Variants in RPGRIP1 observed in about 807,000 individuals in gnomAD.
RPGRIP1 encodes the protein RPGR interacting protein 1, also known as X-linked retinitis pigmentosa GTPase regulator-interacting protein 1.
Under a neutral mutation model 157.9 loss-of-function variants are expected in RPGRIP1, and 128 were observed. That is an observed-to-expected ratio of 0.81 (90% confidence interval 0.70 to 0.94). The LOEUF is 0.94. Among genes scored for constraint, RPGRIP1 ranks in the 40% least tolerant of loss-of-function variants. The pLI, the probability that RPGRIP1 is intolerant of heterozygous loss-of-function variation, is 0.00. For missense variants in RPGRIP1, 1,486 were observed against 1,545.8 expected, an observed-to-expected ratio of 0.96 and a Z score of 0.65; for synonymous variants, 554 against 571.6, an observed-to-expected ratio of 0.97 and a Z score of 0.44.
At chr14:21,308,509 A>C (rs546027634) in intron 7 of RPGRIP1, among the ~76,000 whole-genome samples, 8 of 152,308 alleles carry the variant, frequency 5.3e-5, no homozygotes, top group Admixed American at 2.6e-4. Flanking sequence ...TATCCTATGC[A>C]GGGTATGGGC....
chr14:21,290,412 G>A (rs1880474342), intron 2 of RPGRIP1, among the ~76,000 whole-genome samples: 1 of 152,116 alleles, frequency 6.6e-6, no homozygotes, highest in Admixed American at 6.6e-5. Context: ...AGTGGTTCAC[G>A]CCTGTAATCC....
intron 1 of RPGRIP1, among the ~76,000 whole-genome samples, chr14:21,283,733 C>G (rs1880210557): frequency 6.6e-6 from 1 of 151,946 alleles, no homozygotes; most frequent in Admixed American, 6.6e-5. Flanking sequence ...TCTTGGCTCA[C>G]TGCAATCTCC....
chr14:21,327,706 CCT>C lies in RPGRIP1; in HGVS notation c.2795_2796del (p.Pro932ArgfsTer11). Reference sequence around the variant, plus strand: ...GGATTGGAAGTTTCCCTACATACCCCCTGAGAGCTTCCTGAAACCAGAAGCTC... The same window carrying C: ...GGATTGGAAGTTTCCCTACATACCCCGAGAGCTTCCTGAAACCAGAAGCTC... The part of the protein sequence containing the change: ...QLDWKFPYIP[P>X]ESFLKPEAQT... On this transcript the variant is annotated frameshift_variant, in exon 18 of 25. Transcript: ENST00000400017. LOFTEE classifies it high-confidence loss of function. 1 of 1,613,854 alleles carries C rather than the reference CCT, an allele frequency of 6.2e-7. No homozygotes were observed. The highest frequency in any genetic ancestry group is 8.5e-7 in the Non-Finnish European group (1 of 1,179,814).
At chr14:21,328,320 T>G in intron 18 of RPGRIP1, 104 bp from the exon 19 acceptor site, 1 of 793,182 alleles carries the variant, frequency 1.3e-6, no homozygotes, top group Non-Finnish European at 2.0e-6. Context: ...CTCAGCTCCA[T>G]GAGGAGAGAA....
chr14:21,286,248 C>T (rs1036067194), intron 1 of RPGRIP1, among the ~76,000 whole-genome samples: 1 of 151,946 alleles, frequency 6.6e-6, no homozygotes, highest in Admixed American at 6.6e-5. Context: ...GCCTCAACCT[C>T]CCAAAGTGCC....
intron 20 of RPGRIP1, 28 bp downstream of exon 20, chr14:21,330,415 T>C (rs1883621317): frequency 1.4e-6 from 2 of 1,431,236 alleles, no homozygotes; most frequent in Non-Finnish European, 1.8e-6. Flanking sequence ...CTATTTTTTT[T>C]CCTAGCACTT....
intron 3 of RPGRIP1, among the ~76,000 whole-genome samples, chr14:21,296,821 G>C (rs182972608): frequency 3.7e-4 from 56 of 151,860 alleles, no homozygotes; most frequent in Non-Finnish European, 3.8e-4. Flanking sequence ...TGGGCGTGGT[G>C]GTGGGCGCCT....
chr14:21,281,891 G>A (rs146512972), intron 1 of RPGRIP1, among the ~76,000 whole-genome samples: 3,897 of 151,408 alleles, frequency 0.026, 166 homozygotes, highest in African/African-American at 0.087. Flanking sequence ...TCCGGAGTTC[G>A]AGACCAGCCT....
At position 21,302,344 on chromosome 14, in the gene RPGRIP1, A is replaced by G. The variant is rs868662474; in HGVS notation, c.491-144A>G. The G allele has an allele frequency of 1.0e-4, 42 of 403,806 alleles. 1 individual carries two copies. In the Middle Eastern group the frequency reaches 2.7e-3, roughly 26 times the overall value. 25.0% of individuals were successfully genotyped at this position (403,806 alleles called of 1,614,324 possible). ...AGTTTTTTGCAAGAGTAAAAAAAAA[A>G]CTGCTCCTCGGGGACCATTTGTCAT... On this transcript the variant is annotated intron_variant, in intron 4 of 24. Coordinates refer to ENST00000400017, the MANE Select transcript of RPGRIP1 (RefSeq NM_020366.4).
chr14:21,302,433 T>A, intron 4 of RPGRIP1, 55 bp from the exon 5 acceptor site: 2 of 933,030 alleles, frequency 2.1e-6, no homozygotes, highest in Non-Finnish European at 3.1e-6. Flanking sequence ...TTTCAGTACT[T>A]GGTGTTCCGG....
rs1367475076 is a variant in RPGRIP1 at position 21,329,735 on chromosome 14, A to G, written c.3100-514A>G. 2.0e-5 allele frequency among the ~76,000 whole-genome samples: 3 copies of G among 150,738 alleles called. No homozygotes were observed. The East Asian group carries it at 6.2e-4, about 31-fold the overall frequency. On this transcript the variant is annotated intron_variant, in intron 19 of 24. Transcript: ENST00000400017. Reference sequence around the variant, plus strand: ...CAGGCTGGTCTCCTGACCTCAGGTGATCCGCCTGCCTCAGCCTCCCAAAGT... The same window carrying G: ...CAGGCTGGTCTCCTGACCTCAGGTGGTCCGCCTGCCTCAGCCTCCCAAAGT...
At chr14:21,349,096 A>C (rs1235921866) in intron 24 of RPGRIP1, among the ~76,000 whole-genome samples, 2 of 123,970 alleles carry the variant, frequency 1.6e-5, no homozygotes, top group Non-Finnish European at 3.3e-5. Flanking sequence ...TTTGAGACAG[A>C]GTCTCTCTCT....
intron 23 of RPGRIP1, among the ~76,000 whole-genome samples, chr14:21,347,040 T>TAAA (rs146696013): frequency 0.015 from 2,345 of 152,364 alleles, 70 homozygotes; most frequent in African/African-American, 0.053. Flanking sequence ...TTCCTTTCTG[T>TAAA]GCTAATGTCA....
intron 23 of RPGRIP1, among the ~76,000 whole-genome samples, chr14:21,345,872 T>G (rs1885516576): frequency 6.6e-6 from 1 of 152,062 alleles, no homozygotes; most frequent in Non-Finnish European, 1.5e-5. Context: ...CAGGCTGGAG[T>G]GCAGTGGTAC....
rs752263228 is a variant in RPGRIP1, at chr14:21,303,413, GC to G, written c.673del (p.His225ThrfsTer50). On this transcript the variant is annotated frameshift_variant, in exon 6 of 25. Coordinates refer to ENST00000400017, the MANE Select transcript of RPGRIP1 (RefSeq NM_020366.4). LOFTEE classifies it high-confidence loss of function. ...KPIGLCMPNS[A>X]HIMASNTMQV... ...CATTGGTCTATGCATGCCTAACAGTGCCCACATCATGGCCAGCAATACCATG... is the reference window on the plus strand; with the variant it reads ...CATTGGTCTATGCATGCCTAACAGTGCCACATCATGGCCAGCAATACCATG... 12 of 1,613,648 alleles carry G rather than the reference GC, an allele frequency of 7.4e-6. No individual in the cohort carries two copies. Among genetic ancestry groups the G allele is most frequent in the Non-Finnish European group, 9.3e-6 (11 of 1,179,810 alleles).
At chr14:21,346,414 T>C (rs947407595) in intron 23 of RPGRIP1, among the ~76,000 whole-genome samples, 4 of 152,158 alleles carry the variant, frequency 2.6e-5, no homozygotes, top group South Asian at 2.1e-4. Flanking sequence ...CAGCTAGGCA[T>C]GGTGGCACAT....
chr14:21,311,704 G>A (rs1005071110), intron 8 of RPGRIP1, 120 bp from the exon 9 acceptor site: 1 of 740,758 alleles, frequency 1.3e-6, no homozygotes, highest in African/African-American at 1.8e-5. Flanking sequence ...AAGGTAATAA[G>A]CTATTAATCA....
At chr14:21,286,949 C>G (rs1880319696) in intron 1 of RPGRIP1, among the ~76,000 whole-genome samples, 1 of 151,028 alleles carries the variant, frequency 6.6e-6, no homozygotes, top group South Asian at 2.1e-4. Flanking sequence ...TCGCTTAAGC[C>G]TAGGTGGAGG....
At chr14:21,314,346 AG>A (rs1481681025) in intron 10 of RPGRIP1, among the ~76,000 whole-genome samples, 1 of 152,098 alleles carries the variant, frequency 6.6e-6, no homozygotes, top group Non-Finnish European at 1.5e-5. Context: ...GGTCTCCCAA[AG>A]TGTTGGGATT....
Sources: allele counts gnomAD v4.1 joint callset (sites outside exome capture counted in the v4.1 genomes callset), GRCh38; gene constraint gnomAD v4.1.1; transcripts MANE v1.5; gene names NCBI Gene and HGNC (gene_info 2026-07-23, HGNC 2026-07-21).